The following RAP1GDS1 variants were observed in gnomAD, a reference collection of about 807,000 sequenced individuals.
The protein encoded by RAP1GDS1 is Rap1 GTPase-GDP dissociation stimulator 1.
RAP1GDS1 carries 35 observed loss-of-function variants against 71.1 expected under a neutral mutation model. The ratio of observed to expected loss-of-function variants is 0.49; its 90% CI spans 0.38 to 0.65. The LOEUF (loss-of-function observed/expected upper bound fraction) is 0.65. Ranked by LOEUF, RAP1GDS1 falls within the 30% of genes least tolerant of loss-of-function variation. The pLI is 0.00. For synonymous variants in RAP1GDS1, 229 were observed against 243.1 expected, an observed-to-expected ratio of 0.94 and a Z score of 0.54; for missense variants, 663 against 706.1, an observed-to-expected ratio of 0.94 and a Z score of 0.69.
At chr4:98,320,260 C>T (rs532243019) in intron 2 of RAP1GDS1, among the ~76,000 whole-genome samples, 1 of 152,112 alleles carries the variant, frequency 6.6e-6, no homozygotes. Context: ...ATAATTAAAT[C>T]CAACACATAT....
At chr4:98,306,970 TATA>T (rs1449407015) in intron 2 of RAP1GDS1, among the ~76,000 whole-genome samples, 3 of 152,186 alleles carry the variant, frequency 2.0e-5, no homozygotes, top group Non-Finnish European at 1.5e-5. Flanking sequence ...CATTGGAATC[TATA>T]ATGAGACATT....
chr4:98,291,341 A>G (rs989288842), intron 1 of RAP1GDS1, among the ~76,000 whole-genome samples: 13 of 152,196 alleles, frequency 8.5e-5, no homozygotes, highest in African/African-American at 2.9e-4. Context: ...TTATTTGTTA[A>G]TACTTCTCCA....
chr4:98,331,237 A>G (rs1023945321), intron 2 of RAP1GDS1, among the ~76,000 whole-genome samples: 6 of 152,146 alleles, frequency 3.9e-5, no homozygotes, highest in African/African-American at 1.4e-4. Context: ...GTGAGCCGAG[A>G]TCACGGCAGT....
intron 6 of RAP1GDS1, 90 bp from the exon 7 acceptor site, chr4:98,404,387 A>G (rs1745842130): frequency 8.2e-7 from 1 of 1,220,172 alleles, no homozygotes; most frequent in South Asian, 1.6e-5. Context: ...TGTATTTATC[A>G]GTAATGGTAC....
chr4:98,337,677 T>G (rs1259232018), intron 2 of RAP1GDS1, among the ~76,000 whole-genome samples: 1 of 152,182 alleles, frequency 6.6e-6, no homozygotes, highest in Non-Finnish European at 1.5e-5. Flanking sequence ...TAGCTTTCAG[T>G]CAGGTACCTT....
intron 1 of RAP1GDS1, among the ~76,000 whole-genome samples, chr4:98,272,868 G>C (rs369113822): frequency 6.6e-6 from 1 of 152,132 alleles, no homozygotes; most frequent in Non-Finnish European, 1.5e-5. Flanking sequence ...TTGTTGCGTA[G>C]GATGAGAGAA....
intron 1 of RAP1GDS1, among the ~76,000 whole-genome samples, chr4:98,273,667 C>G (rs1022504122): frequency 6.6e-6 from 1 of 152,052 alleles, no homozygotes; most frequent in African/African-American, 2.4e-5. Flanking sequence ...TTTCCCCACA[C>G]AAATAAGTAC....
intron 4 of RAP1GDS1, among the ~76,000 whole-genome samples, chr4:98,367,212 CTG>C (rs1210604199): frequency 6.6e-6 from 1 of 152,192 alleles, no homozygotes; most frequent in Non-Finnish European, 1.5e-5. Context: ...ACAGCTCAGG[CTG>C]TGGCTTCAGA....
intron 6 of RAP1GDS1, among the ~76,000 whole-genome samples, chr4:98,393,083 T>C (rs564651912): frequency 1.3e-5 from 2 of 152,302 alleles, no homozygotes; most frequent in South Asian, 4.1e-4. Context: ...ATGGGCATAG[T>C]GAAATGAAAT....
chr4:98,393,748 A>G (rs1004564950), intron 6 of RAP1GDS1, among the ~76,000 whole-genome samples: 6 of 152,234 alleles, frequency 3.9e-5, no homozygotes, highest in Admixed American at 2.0e-4. Context: ...TGTGTTCAGT[A>G]TAAAATACAC....
At chr4:98,416,986 T>G (rs992048541) in intron 8 of RAP1GDS1, 98 bp downstream of exon 8, 16 of 1,341,700 alleles carry the variant, frequency 1.2e-5, no homozygotes, top group Non-Finnish European at 1.2e-5. Context: ...TTTTCTCATA[T>G]TCCTATCTCA....
intron 2 of RAP1GDS1, among the ~76,000 whole-genome samples, chr4:98,325,178 C>T (rs35717757): frequency 1.3e-3 from 189 of 150,720 alleles, no homozygotes; most frequent in African/African-American, 4.3e-3. Context: ...AAAATGCTCA[C>T]CATCACTGGC....
chr4:98,310,721 C>G (rs1197897133), intron 2 of RAP1GDS1, among the ~76,000 whole-genome samples: 1 of 151,942 alleles, frequency 6.6e-6, no homozygotes, highest in Non-Finnish European at 1.5e-5. Context: ...GCCATCCAGT[C>G]TAGTAGCCAC....
Position 98,419,097 on chromosome 4 carries a change from C to T in RAP1GDS1, c.1174+306C>T, listed in dbSNP as rs116117552. ...TTGAGATGGGGTCTCACTCTGTCAG[C>T]CAGGCTAGAGTGCAGTGACGCAGTC... On this transcript the variant is annotated intron_variant, in intron 10 of 14. Transcript: ENST00000408927. Among the ~76,000 whole-genome samples, 898 of 152,284 alleles carry T rather than the reference C, an allele frequency of 5.9e-3. 12 individuals are homozygous for T. Among genetic ancestry groups the T allele is most frequent in the African/African-American group, 0.021 (864 of 41,556 alleles).
At chr4:98,384,169 C>T (rs1742405797) in intron 5 of RAP1GDS1, among the ~76,000 whole-genome samples, 1 of 151,346 alleles carries the variant, frequency 6.6e-6, no homozygotes, top group Non-Finnish European at 1.5e-5. Context: ...CATCATACTA[C>T]CTTACATGTA....
At chr4:98,262,860 C>T (rs1414093235) in intron 1 of RAP1GDS1, among the ~76,000 whole-genome samples, 2 of 152,114 alleles carry the variant, frequency 1.3e-5, no homozygotes, top group African/African-American at 4.8e-5. Context: ...CGACCTTTGG[C>T]CATATATCTG....
chr4:98,345,482 A>T (rs1736093516), intron 3 of RAP1GDS1, among the ~76,000 whole-genome samples: 1 of 152,202 alleles, frequency 6.6e-6, no homozygotes, highest in Non-Finnish European at 1.5e-5. Flanking sequence ...ACCATAAATT[A>T]TAGTAAAAGA....
chr4:98,270,661 G>A (rs1225927978), intron 1 of RAP1GDS1, among the ~76,000 whole-genome samples: 2 of 152,112 alleles, frequency 1.3e-5, no homozygotes, highest in East Asian at 3.9e-4. Context: ...AGCTATGATT[G>A]GCTGTACAGT....
intron 6 of RAP1GDS1, chr4:98,392,319 T>TCACATTGTACA (rs1322255017): frequency 2.8e-6 from 1 of 353,556 alleles, no homozygotes; most frequent in Non-Finnish European, 5.1e-6. Context: ...TGTTTAAAGC[T>TCACATTGTACA]CACATTGTAC....
Sources: allele counts gnomAD v4.1 joint callset (sites outside exome capture counted in the v4.1 genomes callset), GRCh38; gene constraint gnomAD v4.1.1; transcripts MANE v1.5; gene names NCBI Gene and HGNC (gene_info 2026-07-23, HGNC 2026-07-21).